The following CCSER1 variants were observed in gnomAD, a reference collection of about 807,000 sequenced individuals.
CCSER1 encodes serine-rich coiled-coil domain-containing protein 1.
CCSER1 carries 41 observed loss-of-function variants against 82.0 expected under a neutral mutation model. That is an observed-to-expected ratio of 0.50 (90% CI 0.39 to 0.65). The LOEUF is 0.65. Among genes scored for constraint, CCSER1 ranks in the 30% least tolerant of loss-of-function variants. CCSER1 has a pLI of 0.00. For synonymous variants in CCSER1, 414 were observed against 383.9 expected (o/e 1.08, Z -0.92); for missense variants, 1,119 against 1,064.2 (o/e 1.05, Z -0.72).
intron 1 of CCSER1, among the ~76,000 whole-genome samples, chr4:90,157,884 A>G (rs993155567): frequency 6.6e-6 from 1 of 152,206 alleles, no homozygotes. Context: ...CGTCAAAGTC[A>G]TTCTCCGTCC....
chr4:90,195,913 T>C lies in CCSER1; in HGVS notation c.-42+68082T>C, dbSNP rs564335108. ...ATATGGGCAGTGTTTCAGTAAGTTA[T>C]ATCCATGTGAAAGTATTCGAAGTAA... is the stretch of plus-strand genomic sequence containing the variant. On this transcript the variant is annotated intron_variant, in intron 1 of 10. Transcript: ENST00000509176. Among the ~76,000 whole-genome samples the C allele has an allele frequency of 1.4e-4, 21 of 152,196 alleles. 1 individual carries two copies. Among genetic ancestry groups the C allele is most frequent in the African/African-American group, 4.8e-4 (20 of 41,556 alleles).
intron 10 of CCSER1, among the ~76,000 whole-genome samples, chr4:91,407,702 A>G (rs180830735): frequency 1.3e-5 from 2 of 152,290 alleles, no homozygotes; most frequent in African/African-American, 2.4e-5. Context: ...TCACATGGTG[A>G]GAGAAGGGAC....
chr4:91,158,370 T>C (rs1375751974), intron 10 of CCSER1, among the ~76,000 whole-genome samples: 1 of 152,024 alleles, frequency 6.6e-6, no homozygotes, highest in Non-Finnish European at 1.5e-5. Context: ...AAAAGGATTA[T>C]AGCCCTGGAA....
intron 4 of CCSER1, among the ~76,000 whole-genome samples, chr4:90,448,831 T>G (rs1282623732): frequency 6.6e-6 from 1 of 151,998 alleles, no homozygotes; most frequent in Non-Finnish European, 1.5e-5. Flanking sequence ...TACAACAAGG[T>G]GAGCGGAGGG....
At chr4:90,596,416 G>A (rs1044222887) in intron 5 of CCSER1, among the ~76,000 whole-genome samples, 3 of 151,786 alleles carry the variant, frequency 2.0e-5, no homozygotes, top group African/African-American at 7.3e-5. Context: ...CTGATTTAAA[G>A]TATAGGACAT....
At chr4:91,434,157 A>C (rs2149396694) in intron 10 of CCSER1, among the ~76,000 whole-genome samples, 1 of 151,716 alleles carries the variant, frequency 6.6e-6, no homozygotes. Context: ...GAAGCAAACT[A>C]TTGTAATGGT....
chr4:91,078,858 T>A (rs1722342488), intron 9 of CCSER1, among the ~76,000 whole-genome samples: 1 of 152,144 alleles, frequency 6.6e-6, no homozygotes, highest in Non-Finnish European at 1.5e-5. Context: ...GAATGAAATG[T>A]AGCGACAAGA....
intron 6 of CCSER1, among the ~76,000 whole-genome samples, chr4:90,685,915 G>A (rs927892222): frequency 2.0e-5 from 3 of 152,104 alleles, no homozygotes; most frequent in African/African-American, 7.2e-5. Context: ...TGCCCATATC[G>A]AAATTCAGGG....
At chr4:91,576,255 A>G (rs1200547540) in intron 10 of CCSER1, among the ~76,000 whole-genome samples, 1 of 151,970 alleles carries the variant, frequency 6.6e-6, no homozygotes. Flanking sequence ...ATTTGTAACA[A>G]TGTAGGTTTA....
chr4:90,753,071 A>T (rs138167217), intron 7 of CCSER1, among the ~76,000 whole-genome samples: 169 of 152,312 alleles, frequency 1.1e-3, no homozygotes, highest in African/African-American at 4.0e-3. Flanking sequence ...TGCACTGCAC[A>T]TGATGTGAGA....
At chr4:91,215,787 C>T (rs1327146834) in intron 10 of CCSER1, among the ~76,000 whole-genome samples, 3 of 152,056 alleles carry the variant, frequency 2.0e-5, no homozygotes, top group African/African-American at 7.3e-5. Context: ...CAATATCAAC[C>T]ATCATATTAA....
At chr4:91,289,933 T>C (rs1247087670) in intron 10 of CCSER1, among the ~76,000 whole-genome samples, 2 of 151,816 alleles carry the variant, frequency 1.3e-5, no homozygotes, top group Non-Finnish European at 2.9e-5. Flanking sequence ...ATATTCAAAA[T>C]GTAGAAAATC....
At chr4:91,359,570 G>T (rs1553927941) in intron 10 of CCSER1, among the ~76,000 whole-genome samples, 1 of 151,662 alleles carries the variant, frequency 6.6e-6, no homozygotes, top group East Asian at 1.9e-4. Flanking sequence ...AGCTTGTGAG[G>T]TATTGCTTCT....
chr4:91,594,870 A>G (rs1180432694), intron 10 of CCSER1, among the ~76,000 whole-genome samples: 1 of 152,116 alleles, frequency 6.6e-6, no homozygotes, highest in Non-Finnish European at 1.5e-5. Flanking sequence ...GTCCTATAAT[A>G]TACTAAAGAC....
At chr4:90,764,936 A>C (rs1276401446) in intron 7 of CCSER1, among the ~76,000 whole-genome samples, 1 of 152,060 alleles carries the variant, frequency 6.6e-6, no homozygotes, top group Non-Finnish European at 1.5e-5. Flanking sequence ...TGAAAAACTA[A>C]TTCAAAATAA....
chr4:90,771,658 T>C (rs952927075), intron 7 of CCSER1, among the ~76,000 whole-genome samples: 2 of 151,964 alleles, frequency 1.3e-5, no homozygotes, highest in Non-Finnish European at 2.9e-5. Context: ...ATATTTTATA[T>C]TGAGCCATAA....
chr4:90,529,469 A>G (rs1774216623), intron 5 of CCSER1, among the ~76,000 whole-genome samples: 1 of 152,140 alleles, frequency 6.6e-6, no homozygotes, highest in East Asian at 1.9e-4. Flanking sequence ...GCCTCAAGTG[A>G]TCTGCCTGCC....
At chr4:90,675,105 T>G (rs1733586904) in intron 6 of CCSER1, among the ~76,000 whole-genome samples, 1 of 151,980 alleles carries the variant, frequency 6.6e-6, no homozygotes, top group South Asian at 2.1e-4. Context: ...CTTTCTCATT[T>G]CATTTTCGTC....
In CCSER1 at chr4:91,603,093, A is replaced by C. The variant is rs1008021368; in HGVS notation, c.*4036A>C. On this transcript the variant is annotated 3_prime_UTR_variant, in exon 11 of 11. Transcript: ENST00000509176. ...AACTCTAGGCTGTAGAAGGCGTAAT[A>C]TAAAATACAAACTAGTTTTGGTTCT... Among the ~76,000 whole-genome samples, 3 of 152,104 alleles carry C rather than the reference A, an allele frequency of 2.0e-5. No homozygotes were observed. The highest frequency in any genetic ancestry group is 2.0e-4 in the Admixed American group (3 of 15,242).
Sources: gnomAD v4.1 joint callset for allele counts (sites outside exome capture counted in the v4.1 genomes callset) on GRCh38, gnomAD v4.1.1 for gene constraint, MANE v1.5 for transcripts, NCBI Gene and HGNC (gene_info 2026-07-23, HGNC 2026-07-21) for gene names.